Variants in TRIR observed in about 807,000 individuals in gnomAD.
TRIR encodes the protein telomerase RNA component-interacting RNase.
Under a neutral mutation model 18.2 loss-of-function variants are expected in TRIR, and 5 were observed. The observed-to-expected ratio is 0.27, with a 90% CI of 0.14 to 0.58. TRIR has a LOEUF of 0.58. TRIR is among the 20% of genes least tolerant of loss of function. TRIR has a pLI of 0.91. For synonymous variants in TRIR, 134 were observed against 114.4 expected (o/e 1.17, Z -1.10); for missense variants, 206 against 252.8 (o/e 0.81, Z 1.25).
chr19:12,733,463 T>C (rs1967471438), intron 1 of TRIR, among the ~76,000 whole-genome samples: 1 of 152,176 alleles, frequency 6.6e-6, no homozygotes, highest in South Asian at 2.1e-4. Context: ...TTATTCTTTG[T>C]TTGGGGGTGG....
chr19:12,731,615 G>A lies in TRIR; in HGVS notation c.346-194C>T. ...TCAGCGCCTGCCCTGGGCCCGCGGT[G>A]CCCTCCCAGGGAGCAAGAAGAGTGT... On this transcript the variant is annotated intron_variant, in intron 1 of 2. Transcript: ENST00000242784. The surrounding 1 kb of genome is among the most constrained non-coding windows in gnomAD (Gnocchi z 5.1). 1 of 601,778 alleles carries A rather than the reference G, an allele frequency of 1.7e-6. No individual in the cohort carries two copies. The highest frequency in any genetic ancestry group is 2.9e-6 in the Non-Finnish European group (1 of 342,608). The allele number at this position is 601,778 out of a possible 1,614,324, so 37.3% of individuals were successfully genotyped here.
Position 12,731,558 on chromosome 19 carries a change from C to T in TRIR, c.346-137G>A. 1 of 894,612 alleles carries T rather than the reference C, an allele frequency of 1.1e-6. No individual in the cohort carries two copies. Among genetic ancestry groups the T allele is most frequent in the Non-Finnish European group, 1.7e-6 (1 of 596,046 alleles). The allele number at this position is 894,612 out of a possible 1,614,324, so 55.4% of individuals were successfully genotyped here. A position where few individuals can be genotyped will look rare whatever the true frequency, so the allele number is the denominator to read the frequency against. ...CGCCCAGCTCCGCCAGCCGGCCGACCTGCGCAGCAATCAGAGAGGAGCACA... is the reference window on the plus strand; with the variant it reads ...CGCCCAGCTCCGCCAGCCGGCCGACTTGCGCAGCAATCAGAGAGGAGCACA... On this transcript the variant is annotated intron_variant, in intron 1 of 2. Transcript: ENST00000242784. The surrounding 1 kb of genome is among the most constrained non-coding windows in gnomAD (Gnocchi z 5.1).
chr19:12,731,206 G>GGACC lies in TRIR; in HGVS notation c.423+134_423+137dup. On this transcript the variant is annotated intron_variant, in intron 2 of 2. Transcript: ENST00000242784. The surrounding 1 kb of genome is among the most constrained non-coding windows in gnomAD (Gnocchi z 5.1). The stretch of plus-strand genomic sequence containing the variant: ...AAGATTATAAAGTCAAGTTATCTGG[G>GGACC]GACCCATTGACAGCCCTCCTACCCT... The GGACC allele has an allele frequency of 7.9e-7, 1 of 1,261,700 alleles. No homozygotes were observed. The highest frequency in any genetic ancestry group is 1.2e-6 in the Non-Finnish European group (1 of 867,400). The allele number at this position is 1,261,700 out of a possible 1,614,324, so 78.2% of individuals were successfully genotyped here. A position where few individuals can be genotyped will look rare whatever the true frequency, so the allele number is the denominator to read the frequency against.
intron 1 of TRIR, among the ~76,000 whole-genome samples, chr19:12,732,509 G>T (rs1967450543): frequency 1.3e-5 from 2 of 152,100 alleles, no homozygotes; most frequent in Middle Eastern, 3.4e-3. Flanking sequence ...TTCTCCCATT[G>T]ATTGAGGGCT....
At position 12,734,622 on chromosome 19, in the gene TRIR, G is replaced by A. The variant is rs1967503684; in HGVS notation, c.36C>T (p.Gly12=). 3 of 1,514,560 alleles carry A rather than the reference G, an allele frequency of 2.0e-6. No homozygotes were observed. The highest frequency in any genetic ancestry group is 1.2e-5 in the South Asian group (1 of 81,704). 93.8% of individuals were successfully genotyped at this position (1,514,560 alleles called of 1,614,324 possible). The change falls in exon 1 of 3, where the codon GGC becomes GGT. Residue 12 remains glycine (G), a synonymous_variant. Coordinates refer to ENST00000242784, the MANE Select transcript of TRIR (RefSeq NM_024038.4). This position sits in a 1 kb window ranked among gnomAD's most constrained non-coding sequence, Gnocchi z 4.1. The part of the protein sequence containing the change: ...AARGRRAEPQ[G]REAPGPAGGG... ...CGCCCGCGGGGCCCGGAGCCTCCCG[G>A]CCCTGAGGCTCCGCCCGTCTCCCTC...
chr19:12,730,929 G>C lies in TRIR; in HGVS notation c.*32C>G. The C allele has an allele frequency of 6.4e-7, 1 of 1,573,892 alleles. No individual in the cohort carries two copies. Among genetic ancestry groups the C allele is most frequent in the Non-Finnish European group, 8.7e-7 (1 of 1,143,664 alleles). On this transcript the variant is annotated 3_prime_UTR_variant, in exon 3 of 3. Transcript: ENST00000242784. Reference sequence around the variant, plus strand: ...TAAATAGTTATGTACATCGCAGAGAGTCCCAGGCCATGGGCAGGTGGGGGA... The same window carrying C: ...TAAATAGTTATGTACATCGCAGAGACTCCCAGGCCATGGGCAGGTGGGGGA...
At position 12,734,285 on chromosome 19, in the gene TRIR, G is replaced by GCCCGCC. The variant is rs1967490192; in HGVS notation, c.345+22_345+27dup. 7.2e-7 allele frequency: 1 copy of GCCCGCC among 1,380,522 alleles called. No individual in the cohort carries two copies. The highest frequency in any genetic ancestry group is 9.4e-7 in the Non-Finnish European group (1 of 1,068,310). 85.5% of individuals were successfully genotyped at this position (1,380,522 alleles called of 1,614,324 possible). ...TCCCGCTGCCAAGACAGGCCGTGGC[G>GCCCGCC]CCCGCCCCCACCCCCACGGCTCCTT... On this transcript the variant is annotated intron_variant, in intron 1 of 2. Coordinates refer to ENST00000242784, the MANE Select transcript of TRIR (RefSeq NM_024038.4). This position sits in a 1 kb window ranked among gnomAD's most constrained non-coding sequence, Gnocchi z 4.1.
At chr19:12,733,671 C>T (rs1967475643) in intron 1 of TRIR, among the ~76,000 whole-genome samples, 1 of 152,170 alleles carries the variant, frequency 6.6e-6, no homozygotes, top group Non-Finnish European at 1.5e-5. Context: ...GTGCTAACCA[C>T]TTTTCCAGGA....
rs567121997 is a variant in TRIR at position 12,730,896 on chromosome 19, C to T, written c.*65G>A. On this transcript the variant is annotated 3_prime_UTR_variant, in exon 3 of 3. Transcript: ENST00000242784. ...TCTCAGGGAAGGCTGTCGCCGCTGCCGCTGCATTAAATAGTTATGTACATC... is the reference window on the plus strand; with the variant it reads ...TCTCAGGGAAGGCTGTCGCCGCTGCTGCTGCATTAAATAGTTATGTACATC... The T allele has an allele frequency of 2.6e-5, 38 of 1,446,788 alleles. No individual in the cohort carries two copies. In the African/African-American group the frequency reaches 2.9e-4, roughly 11 times the overall value. The allele number at this position is 1,446,788 out of a possible 1,614,324, so 89.6% of individuals were successfully genotyped here.
Position 12,731,533 on chromosome 19 carries a change from C to T in TRIR, c.346-112G>A. On this transcript the variant is annotated intron_variant, in intron 1 of 2. Transcript: ENST00000242784. This position sits in a 1 kb window ranked among gnomAD's most constrained non-coding sequence, Gnocchi z 5.1. ...GGCCTGGTGGCCCGTCCTGACGCCG[C>T]GCCCAGCTCCGCCAGCCGGCCGACC... 4.4e-6 allele frequency: 5 copies of T among 1,125,346 alleles called. No individual in the cohort carries two copies. The highest frequency in any genetic ancestry group is 6.3e-6 in the Non-Finnish European group (5 of 799,114). 69.7% of individuals were successfully genotyped at this position (1,125,346 alleles called of 1,614,324 possible).
intron 1 of TRIR, among the ~76,000 whole-genome samples, chr19:12,733,065 C>T (rs532124767): frequency 6.6e-6 from 1 of 152,098 alleles, no homozygotes; most frequent in African/African-American, 2.4e-5. Flanking sequence ...GGCACCATGC[C>T]CAGCTAATTT....
chr19:12,732,336 T>C (rs2145671967), intron 1 of TRIR, among the ~76,000 whole-genome samples: 1 of 152,040 alleles, frequency 6.6e-6, no homozygotes, highest in Admixed American at 6.6e-5. Flanking sequence ...GCAGCCAAAA[T>C]GGCCCCTCAA....
rs542916907 is a variant in TRIR at position 12,731,229 on chromosome 19, C to A, written c.423+115G>T. On this transcript the variant is annotated intron_variant, in intron 2 of 2. Coordinates refer to ENST00000242784, the MANE Select transcript of TRIR (RefSeq NM_024038.4). The surrounding 1 kb of genome is among the most constrained non-coding windows in gnomAD (Gnocchi z 5.1). Reference sequence around the variant, plus strand: ...GGGGACCCATTGACAGCCCTCCTACCCTGCCAGGCACACTCATAAAAGGCC... The same window carrying A: ...GGGGACCCATTGACAGCCCTCCTACACTGCCAGGCACACTCATAAAAGGCC... The A allele has an allele frequency of 3.6e-6, 5 of 1,376,166 alleles. No individual in the cohort carries two copies. In the African/African-American group the frequency reaches 7.1e-5, roughly 20 times the overall value. The allele number at this position is 1,376,166 out of a possible 1,614,324, so 85.2% of individuals were successfully genotyped here.
chr19:12,733,628 C>T (rs1048905020), intron 1 of TRIR, among the ~76,000 whole-genome samples: 2 of 152,146 alleles, frequency 1.3e-5, no homozygotes, highest in Admixed American at 1.3e-4. Context: ...AATTGAGAAC[C>T]ACCAGTTTAG....
At position 12,731,641 on chromosome 19, in the gene TRIR, C is replaced by A; in HGVS notation, c.346-220G>T. The A allele has an allele frequency of 1.7e-6, 1 of 581,262 alleles. No individual in the cohort carries two copies. Among genetic ancestry groups the A allele is most frequent in the Non-Finnish European group, 3.1e-6 (1 of 326,496 alleles). The allele number at this position is 581,262 out of a possible 1,614,324, so 36.0% of individuals were successfully genotyped here. A position where few individuals can be genotyped will look rare whatever the true frequency, so the allele number is the denominator to read the frequency against. Reference sequence around the variant, plus strand: ...CCCTCCCAGGGAGCAAGAAGAGTGTCCACCTCAGTAGGGACCAGCTCTGTT... The same window carrying A: ...CCCTCCCAGGGAGCAAGAAGAGTGTACACCTCAGTAGGGACCAGCTCTGTT... On this transcript the variant is annotated intron_variant, in intron 1 of 2. Coordinates refer to ENST00000242784, the MANE Select transcript of TRIR (RefSeq NM_024038.4). This position sits in a 1 kb window ranked among gnomAD's most constrained non-coding sequence, Gnocchi z 5.1.
At position 12,734,467 on chromosome 19, in the gene TRIR, C is replaced by G. The variant is rs1599442970; in HGVS notation, c.191G>C (p.Ser64Thr). 6.5e-7 allele frequency: 1 copy of G among 1,535,484 alleles called. No homozygotes were observed. Among genetic ancestry groups the G allele is most frequent in the South Asian group, 1.2e-5 (1 of 82,376 alleles). ...CTTCCGCTTGAACAGCTCCAGGAAG[C>G]TGCCGTCGTTGGCGAACAAGTTCAC... ...GGVNLFANDGSFLELFKRKME... is the reference protein window; with the variant it reads ...GGVNLFANDGTFLELFKRKME... The change falls in exon 1 of 3, where the codon AGC becomes ACC. Residue 64 changes from serine to threonine, a missense_variant. Physicochemically the swap from Ser to Thr is moderately conservative, Grantham distance 58 (BLOSUM62 1). Coordinates refer to ENST00000242784, the MANE Select transcript of TRIR (RefSeq NM_024038.4). This position sits in a 1 kb window ranked among gnomAD's most constrained non-coding sequence, Gnocchi z 4.1.
chr19:12,731,495 A>C lies in TRIR; in HGVS notation c.346-74T>G. The C allele has an allele frequency of 6.7e-7, 1 of 1,484,570 alleles. No individual in the cohort carries two copies. 92.0% of individuals were successfully genotyped at this position (1,484,570 alleles called of 1,614,324 possible). A position where few individuals can be genotyped will look rare whatever the true frequency, so the allele number is the denominator to read the frequency against. Reference sequence around the variant, plus strand: ...CCTTGGCGGCGCTGAGGCCCACTACACCTTCCTAGCCCGGCCTGGTGGCCC... The same window carrying C: ...CCTTGGCGGCGCTGAGGCCCACTACCCCTTCCTAGCCCGGCCTGGTGGCCC... On this transcript the variant is annotated intron_variant, in intron 1 of 2. Coordinates refer to ENST00000242784, the MANE Select transcript of TRIR (RefSeq NM_024038.4). This position sits in a 1 kb window ranked among gnomAD's most constrained non-coding sequence, Gnocchi z 5.1.
intron 1 of TRIR, among the ~76,000 whole-genome samples, chr19:12,733,649 A>G (rs1417641420): frequency 6.6e-6 from 1 of 152,166 alleles, no homozygotes; most frequent in East Asian, 1.9e-4. Flanking sequence ...CCCTTCCTGG[A>G]AGACAGGCTC....
rs1444554284 is a variant in TRIR at position 12,734,217 on chromosome 19, G to C, written c.345+96C>G. ...CCCGGACGGGCCCCTCATTCAGAACGGAAAGTGGACTTCGGTCCCGATCCC... is the reference window on the plus strand; with the variant it reads ...CCCGGACGGGCCCCTCATTCAGAACCGAAAGTGGACTTCGGTCCCGATCCC... On this transcript the variant is annotated intron_variant, in intron 1 of 2. Transcript: ENST00000242784. This position sits in a 1 kb window ranked among gnomAD's most constrained non-coding sequence, Gnocchi z 4.1. 4 of 1,220,066 alleles carry C rather than the reference G, an allele frequency of 3.3e-6. No individual in the cohort carries two copies. Among genetic ancestry groups the C allele is most frequent in the East Asian group, 6.3e-5 (2 of 31,960 alleles). 75.6% of individuals were successfully genotyped at this position (1,220,066 alleles called of 1,614,324 possible).
Sources: gnomAD v4.1 joint callset for allele counts (sites outside exome capture counted in the v4.1 genomes callset) on GRCh38, gnomAD v4.1.1 for gene constraint, Gnocchi (gnomAD v3.1) non-coding constraint, MANE v1.5 for transcripts, NCBI Gene and HGNC (gene_info 2026-07-23, HGNC 2026-07-21) for gene names.